The following KIF4B variants were observed in gnomAD, a reference collection of about 807,000 sequenced individuals.
The protein encoded by KIF4B is chromosome-associated kinesin KIF4B.
A neutral mutation model predicts 69.0 loss-of-function variants in KIF4B; 60 were observed. That is an observed-to-expected ratio of 0.87 (90% CI 0.71 to 1.08). The LOEUF (loss-of-function observed/expected upper bound fraction) is 1.08, where lower values mean the gene tolerates loss of function less well. Among genes scored for constraint, KIF4B ranks in the 50% least tolerant of loss-of-function variants. KIF4B has a pLI of 0.00. For synonymous variants in KIF4B, 489 were observed against 533.0 expected, an observed-to-expected ratio of 0.92 and a Z score of 1.14; for missense variants, 1,357 against 1,451.9, an observed-to-expected ratio of 0.93 and a Z score of 1.06.
rs1157985756 is a variant in KIF4B at position 155,013,927 on chromosome 5, A to G, written c.68A>G (p.Glu23Gly). 1 of 1,614,202 alleles carries G rather than the reference A, an allele frequency of 6.2e-7. No homozygotes were observed. The highest frequency in any genetic ancestry group is 1.7e-5 in the Admixed American group (1 of 60,030). Residue 23 changes from glutamate (E) to glycine (G), a missense_variant, in exon 1 of 1, where the codon GAG becomes GGG. Physicochemically the swap from Glu to Gly is moderately conservative, Grantham distance 98 (BLOSUM62 -2). Coordinates refer to ENST00000435029, the MANE Select transcript of KIF4B (RefSeq NM_001099293.3). ...CGTTGTCGCCCTCTGGTCCCCAAAG[A>G]GATTAGCGAGGGCTGCCAGATGTGC... ...ALRCRPLVPK[E>G]ISEGCQMCLS...
Position 155,015,585 on chromosome 5 carries a change from G to C in KIF4B, c.1726G>C (p.Glu576Gln), listed in dbSNP as rs1450525046. Residue 576 changes from glutamate to glutamine, a missense_variant, in exon 1 of 1, where the codon GAA becomes CAA. Physicochemically the swap from Glu to Gln is conservative, Grantham distance 29. Coordinates refer to ENST00000435029, the MANE Select transcript of KIF4B (RefSeq NM_001099293.3). Reference protein sequence around the residue: ...LEVINLQKEKEELVRELQTAK... With the variant: ...LEVINLQKEKQELVRELQTAK... ...AGTCATCAATCTGCAAAAGGAAAAG[G>C]AAGAATTGGTTCGTGAACTTCAGAC... 1.1e-5 allele frequency: 17 copies of C among 1,614,090 alleles called. No individual in the cohort carries two copies. The highest frequency in any genetic ancestry group is 1.4e-5 in the Non-Finnish European group (16 of 1,180,048).
Position 155,015,600 on chromosome 5 carries a change from G to A in KIF4B, c.1741G>A (p.Glu581Lys), listed in dbSNP as rs757582953. The A allele has an allele frequency of 1.2e-6, 2 of 1,614,092 alleles. No individual in the cohort carries two copies. Among genetic ancestry groups the A allele is most frequent in the Admixed American group, 3.3e-5 (2 of 60,008 alleles). ...LQKEKEELVRELQTAKKNVNQ... is the reference protein window; with the variant it reads ...LQKEKEELVRKLQTAKKNVNQ... ...AAAGGAAAAGGAAGAATTGGTTCGTGAACTTCAGACAGCAAAGAAGAATGT... is the reference window on the plus strand; with the variant it reads ...AAAGGAAAAGGAAGAATTGGTTCGTAAACTTCAGACAGCAAAGAAGAATGT... The change falls in exon 1 of 1, where the codon GAA becomes AAA. Residue 581 changes from glutamate to lysine, a missense_variant. Glu to Lys is a moderately conservative substitution (Grantham distance 56, BLOSUM62 1). Transcript: ENST00000435029.
Position 155,015,146 on chromosome 5 carries a change from A to C in KIF4B, c.1287A>C (p.Lys429Asn), listed in dbSNP as rs763774056. 8.7e-6 allele frequency: 14 copies of C among 1,614,122 alleles called. No individual in the cohort carries two copies. The South Asian group carries it at 1.2e-4, about 14-fold the overall frequency. ...RIILTEQVNE[K>N]LNAKLEELRQ... Reference sequence around the variant, plus strand: ...TTTTGACAGAGCAAGTGAATGAAAAACTGAACGCCAAGCTAGAAGAGCTCA... The same window carrying C: ...TTTTGACAGAGCAAGTGAATGAAAACCTGAACGCCAAGCTAGAAGAGCTCA... Residue 429 changes from lysine to asparagine, a missense_variant, in exon 1 of 1, where the codon AAA (lysine) becomes AAC (asparagine). Lys to Asn is a moderately conservative substitution (Grantham distance 94). Coordinates refer to ENST00000435029, the MANE Select transcript of KIF4B (RefSeq NM_001099293.3).
chr5:155,014,149 C>A lies in KIF4B; in HGVS notation c.290C>A (p.Ser97Ter), dbSNP rs1431836613. 1 of 1,614,238 alleles carries A rather than the reference C, an allele frequency of 6.2e-7. No homozygotes were observed. Among genetic ancestry groups the A allele is most frequent in the East Asian group, 2.2e-5 (1 of 44,892 alleles). ...YGQTGSGKTYSMGGAYTAEQE... is the reference protein window; with the variant it reads ...YGQTGSGKTY ...CAGACTGGCTCTGGAAAAACCTATTCAATGGGAGGTGCATACACTGCGGAG... is the reference window on the plus strand; with the variant it reads ...CAGACTGGCTCTGGAAAAACCTATTAAATGGGAGGTGCATACACTGCGGAG... The change falls in exon 1 of 1, where the codon TCA becomes TAA. Residue 97 changes from serine (S) to a stop codon, truncating the protein, a stop_gained. Coordinates refer to ENST00000435029, the MANE Select transcript of KIF4B (RefSeq NM_001099293.3). LOFTEE classifies it high-confidence loss of function.
chr5:155,014,751 C>T lies in KIF4B; in HGVS notation c.892C>T (p.Gln298Ter). 6.2e-7 allele frequency: 1 copy of T among 1,614,092 alleles called. No homozygotes were observed. Among genetic ancestry groups the T allele is most frequent in the African/African-American group, 1.3e-5 (1 of 75,014 alleles). The change falls in exon 1 of 1, where the codon CAA becomes TAA. Residue 298 changes from glutamine to a stop codon, truncating the protein, a stop_gained. Coordinates refer to ENST00000435029, the MANE Select transcript of KIF4B (RefSeq NM_001099293.3). LOFTEE classifies it high-confidence loss of function. ...YRDSKLTRLLQDSLGGNSHTL... is the reference protein window; with the variant it reads ...YRDSKLTRLL ...AGATTCCAAGTTAACTCGACTGCTG[C>T]AAGATTCTCTAGGAGGTAACAGCCA...
chr5:155,017,264 C>T lies in KIF4B; in HGVS notation c.3405C>T (p.Thr1135=). ...GKDSLGTVEQ[T]QDSEGSFKLE... ...ATAGCTTGGGCACTGTTGAACAGAC[C>T]CAGGATTCCGAAGGCTCCTTCAAAC... The change falls in exon 1 of 1, where the codon ACC becomes ACT. Residue 1135 remains threonine, a synonymous_variant. Transcript: ENST00000435029. 3.7e-6 allele frequency: 6 copies of T among 1,614,138 alleles called. No homozygotes were observed. Among genetic ancestry groups the T allele is most frequent in the Non-Finnish European group, 5.1e-6 (6 of 1,180,022 alleles).
At position 155,017,689 on chromosome 5, in the gene KIF4B, G is replaced by A; in HGVS notation, c.*125G>A. On this transcript the variant is annotated 3_prime_UTR_variant, in exon 1 of 1. Transcript: ENST00000435029. ...CTTGCCGTTGAAAAAAAGGAACAAAGCATTACTAAAAAGAAGGTAACCTTT... is the reference window on the plus strand; with the variant it reads ...CTTGCCGTTGAAAAAAAGGAACAAAACATTACTAAAAAGAAGGTAACCTTT... 7.0e-7 allele frequency: 1 copy of A among 1,435,518 alleles called. No homozygotes were observed. The highest frequency in any genetic ancestry group is 9.2e-7 in the Non-Finnish European group (1 of 1,086,240). 88.9% of individuals were successfully genotyped at this position (1,435,518 alleles called of 1,614,324 possible).
rs772524902 is a variant in KIF4B at position 155,016,157 on chromosome 5, C to T, written c.2298C>T (p.Asp766=). 4 of 1,614,036 alleles carry T rather than the reference C, an allele frequency of 2.5e-6. No homozygotes were observed. Among genetic ancestry groups the T allele is most frequent in the East Asian group, 4.5e-5 (2 of 44,892 alleles). The change falls in exon 1 of 1, where the codon GAC becomes GAT. Residue 766 remains aspartate, a synonymous_variant. Coordinates refer to ENST00000435029, the MANE Select transcript of KIF4B (RefSeq NM_001099293.3). Reference sequence around the variant, plus strand: ...AGGAAGCCAAACGCCATCTGAATGACCTCCTTGAAGACAGAAAGATCCTGG... The same window carrying T: ...AGGAAGCCAAACGCCATCTGAATGATCTCCTTGAAGACAGAAAGATCCTGG... The part of the protein sequence containing the change: ...STEEAKRHLN[D]LLEDRKILAQ...
At position 155,017,181 on chromosome 5, in the gene KIF4B, T is replaced by C; in HGVS notation, c.3322T>C (p.Cys1108Arg). ...QCGCRKQKSD[C>R]GVDCSCDPTK... ...TGGGTGCAGGAAGCAAAAGTCAGAC[T>C]GTGGTGTGGACTGTAGCTGTGACCC... The change falls in exon 1 of 1, where the codon TGT (cysteine) becomes CGT (arginine). Residue 1108 changes from cysteine to arginine, a missense_variant. Physicochemically the swap from Cys to Arg is radical, Grantham distance 180. Coordinates refer to ENST00000435029, the MANE Select transcript of KIF4B (RefSeq NM_001099293.3). 6.2e-7 allele frequency: 1 copy of C among 1,614,138 alleles called. No individual in the cohort carries two copies. The highest frequency in any genetic ancestry group is 1.3e-5 in the African/African-American group (1 of 75,038).
In KIF4B at chr5:155,017,605, A is replaced by G; in HGVS notation, c.*41A>G. On this transcript the variant is annotated 3_prime_UTR_variant, in exon 1 of 1. Transcript: ENST00000435029. ...CTCTACCCCCAATCTGGCTTGGGAG[A>G]TGCTTTCCAGTTGCAGCCAGAAGGG... 1 of 1,572,980 alleles carries G rather than the reference A, an allele frequency of 6.4e-7. No homozygotes were observed.
Position 155,014,970 on chromosome 5 carries a change from G to T in KIF4B, c.1111G>T (p.Gly371Cys), listed in dbSNP as rs372387001. Reference protein sequence around the residue: ...LQVLLLQAHGGTLPGSINAEP... With the variant: ...LQVLLLQAHGCTLPGSINAEP... ...AGTCTTGTTGCTACAAGCCCATGGAGGTACCCTGCCTGGATCTATAAATGC... is the reference window on the plus strand; with the variant it reads ...AGTCTTGTTGCTACAAGCCCATGGATGTACCCTGCCTGGATCTATAAATGC... The change falls in exon 1 of 1, where the codon GGT becomes TGT. Residue 371 changes from glycine (G) to cysteine (C), a missense_variant. By Grantham distance (159) the Gly-to-Cys change is radical. Coordinates refer to ENST00000435029, the MANE Select transcript of KIF4B (RefSeq NM_001099293.3). The T allele has an allele frequency of 6.2e-7, 1 of 1,614,182 alleles. No homozygotes were observed. The highest frequency in any genetic ancestry group is 8.5e-7 in the Non-Finnish European group (1 of 1,180,030).
At position 155,016,565 on chromosome 5, in the gene KIF4B, A is replaced by C. The variant is rs1280043356; in HGVS notation, c.2706A>C (p.Leu902=). The part of the protein sequence containing the change: ...KASCADMQKM[L]FEEQNHFSEI... ...GCTGTGCTGACATGCAGAAGATGCT[A>C]TTTGAGGAACAAAATCATTTTTCTG... Residue 902 remains leucine, a synonymous_variant, in exon 1 of 1, where the codon CTA becomes CTC. Transcript: ENST00000435029. The C allele has an allele frequency of 1.9e-6, 3 of 1,614,236 alleles. No homozygotes were observed. In the African/African-American group the frequency reaches 4.0e-5, roughly 22 times the overall value.
chr5:155,017,089 T>C lies in KIF4B; in HGVS notation c.3230T>C (p.Leu1077Ser). The C allele has an allele frequency of 6.2e-7, 1 of 1,613,984 alleles. No individual in the cohort carries two copies. Among genetic ancestry groups the C allele is most frequent in the Non-Finnish European group, 8.5e-7 (1 of 1,179,948 alleles). Reference sequence around the variant, plus strand: ...GATGAGGAATGGAAGCCAACAAAATTAGTCAAGGTGTCCAGGAAGAACATC... The same window carrying C: ...GATGAGGAATGGAAGCCAACAAAATCAGTCAAGGTGTCCAGGAAGAACATC... Reference protein sequence around the residue: ...GDDEEWKPTKLVKVSRKNIQG... With the variant: ...GDDEEWKPTKSVKVSRKNIQG... Residue 1077 changes from leucine (L) to serine (S), a missense_variant, in exon 1 of 1, where the codon TTA becomes TCA. Transcript: ENST00000435029.
chr5:155,016,206 GA>G lies in KIF4B; in HGVS notation c.2354del (p.Lys785ArgfsTer39). The G allele has an allele frequency of 3.1e-6, 5 of 1,614,010 alleles. No homozygotes were observed. The highest frequency in any genetic ancestry group is 2.2e-5 in the South Asian group (2 of 91,072). On this transcript the variant is annotated frameshift_variant, in exon 1 of 1. Coordinates refer to ENST00000435029, the MANE Select transcript of KIF4B (RefSeq NM_001099293.3). LOFTEE classifies it high-confidence loss of function. ...GGCTCAGGATGTGGTTCAACTCAAA[GA>G]AAAAAAGGAATCTCGGGAGAATCCA... is the stretch of plus-strand genomic sequence containing the variant. ...ILAQDVVQLK[E>X]KKESRENPPP... is the part of the protein sequence containing the mutation.
rs1582712906 is a variant in KIF4B, at chr5:155,015,444, T to C, written c.1585T>C (p.Leu529=). The change falls in exon 1 of 1, where the codon TTG becomes CTG. Residue 529 remains leucine, a synonymous_variant. Coordinates refer to ENST00000435029, the MANE Select transcript of KIF4B (RefSeq NM_001099293.3). The stretch of plus-strand genomic sequence containing the variant: ...TCAGATGTCTAAGGAGGTGGTTGAG[T>C]TGAATAACGCCCTTGCACTGAAAGA... ...QAQMSKEVVE[L]NNALALKEAL... 1 of 1,614,090 alleles carries C rather than the reference T, an allele frequency of 6.2e-7. No individual in the cohort carries two copies. Among genetic ancestry groups the C allele is most frequent in the Non-Finnish European group, 8.5e-7 (1 of 1,180,026 alleles).
At position 155,016,499 on chromosome 5, in the gene KIF4B, T is replaced by C. The variant is rs749355691; in HGVS notation, c.2640T>C (p.His880=). ...GAGAGCTGGTCTCCTCCAAAATACA[T>C]GTCACCAAACTTGAAAACAGCCTGA... is the stretch of plus-strand genomic sequence containing the variant. ...LIGELVSSKI[H]VTKLENSLRQ... The change falls in exon 1 of 1, where the codon CAT becomes CAC. Residue 880 remains histidine (H), a synonymous_variant. Transcript: ENST00000435029. The C allele has an allele frequency of 2.7e-5, 43 of 1,614,086 alleles. No homozygotes were observed. In the Admixed American group the frequency reaches 7.2e-4, roughly 27 times the overall value.
Position 155,014,382 on chromosome 5 carries a change from G to A in KIF4B, c.523G>A (p.Gly175Arg). The change falls in exon 1 of 1, where the codon GGA (glycine) becomes AGA (arginine). Residue 175 changes from glycine to arginine, a missense_variant. By Grantham distance (125) the Gly-to-Arg change is moderately radical. Transcript: ENST00000435029. Reference protein sequence around the residue: ...EDPKEGIKIVGLTEKTVLVAL... With the variant: ...EDPKEGIKIVRLTEKTVLVAL... ...TCCTAAGGAAGGCATAAAGATTGTG[G>A]GACTCACTGAGAAGACTGTTTTAGT... is the stretch of plus-strand genomic sequence containing the variant. The A allele has an allele frequency of 6.2e-7, 1 of 1,614,144 alleles. No homozygotes were observed. The highest frequency in any genetic ancestry group is 1.7e-5 in the Admixed American group (1 of 60,022).
Position 155,016,119 on chromosome 5 carries a change from A to T in KIF4B, c.2260A>T (p.Met754Leu). The change falls in exon 1 of 1, where the codon ATG becomes TTG. Residue 754 changes from methionine (M) to leucine (L), a missense_variant. By Grantham distance (15) the Met-to-Leu change is conservative (BLOSUM62 2). Coordinates refer to ENST00000435029, the MANE Select transcript of KIF4B (RefSeq NM_001099293.3). ...TTGGCTTGGAAATGAAATTGAGGTT[A>T]TGGTCAGTACTGAGGAAGCCAAACG... ...RNWLGNEIEV[M>L]VSTEEAKRHL... 6.2e-7 allele frequency: 1 copy of T among 1,614,178 alleles called. No individual in the cohort carries two copies. Among genetic ancestry groups the T allele is most frequent in the Non-Finnish European group, 8.5e-7 (1 of 1,180,028 alleles).
chr5:155,016,199 A>G lies in KIF4B; in HGVS notation c.2340A>G (p.Gln780=), dbSNP rs1765329598. 2 of 1,614,092 alleles carry G rather than the reference A, an allele frequency of 1.2e-6. No homozygotes were observed. The highest frequency in any genetic ancestry group is 1.7e-6 in the Non-Finnish European group (2 of 1,180,038). Residue 780 remains glutamine, a synonymous_variant, in exon 1 of 1, where the codon CAA becomes CAG. Transcript: ENST00000435029. The part of the protein sequence containing the change: ...DRKILAQDVV[Q]LKEKKESREN... ...AGATCCTGGCTCAGGATGTGGTTCA[A>G]CTCAAAGAAAAAAAGGAATCTCGGG...
Sources: allele counts gnomAD v4.1 joint callset, GRCh38; gene constraint gnomAD v4.1.1; transcripts MANE v1.5; gene names NCBI Gene and HGNC (gene_info 2026-07-23, HGNC 2026-07-21).